The following NEB variants were observed in gnomAD, a reference collection of about 807,000 sequenced individuals.
The protein encoded by NEB is nemaline myopathy type 2.
NEB carries 512 observed loss-of-function variants against 952.2 expected under a neutral mutation model. The observed-to-expected ratio is 0.54, with a 90% confidence interval of 0.50 to 0.58. NEB has a LOEUF of 0.58. Ranked by LOEUF, NEB falls within the 20% of genes least tolerant of loss-of-function variation. The probability of loss-of-function intolerance (pLI) is 0.00; values close to 1 mark genes in which losing one functional copy is unlikely to be tolerated. For missense variants in NEB, 8,428 were observed against 9,231.1 expected, an observed-to-expected ratio of 0.91 and a Z score of 3.56; for synonymous variants, 2,900 against 3,149.8, an observed-to-expected ratio of 0.92 and a Z score of 2.66.
chr2:151,520,961 A>C (rs2081556275), intron 153 of NEB, among the ~76,000 whole-genome samples: 1 of 152,246 alleles, frequency 6.6e-6, no homozygotes, highest in Non-Finnish European at 1.5e-5. Context: ...GCTTTTGTCA[A>C]CAGTATTGCA....
Position 151,666,210 on chromosome 2 carries a change from T to G in NEB, c.4911A>C (p.Ala1637=), listed in dbSNP as rs2099215404. The G allele has an allele frequency of 1.2e-6, 2 of 1,613,856 alleles. No individual in the cohort carries two copies. Among genetic ancestry groups the G allele is most frequent in the South Asian group, 2.2e-5 (2 of 91,090 alleles). The change falls in exon 41 of 182, where the codon GCA becomes GCC. Residue 1637 remains alanine (A), a synonymous_variant. Coordinates refer to ENST00000397345, the MANE Select transcript of NEB (RefSeq NM_001164508.2). ...TGGTGGCAACCTCCTGAGATTTCTT[T>G]GCAGCTGTCACACTGACCATATCCA... ...TPLDMVSVTA[A]KKSQEVATNA...
intron 130 of NEB, among the ~76,000 whole-genome samples, chr2:151,548,729 C>T (rs1023052510): frequency 6.6e-6 from 1 of 152,106 alleles, no homozygotes; most frequent in African/African-American, 2.4e-5. Flanking sequence ...TTAGAAAATA[C>T]AAAGAAGAAA....
chr2:151,727,632 T>G, intron 5 of NEB, 59 bp downstream of exon 5: 3 of 1,506,106 alleles, frequency 2.0e-6, no homozygotes, highest in Non-Finnish European at 2.7e-6. Context: ...ACAGAGTGAG[T>G]TGAGATAAGT....
At chr2:151,646,378 A>G (rs556886468) in intron 54 of NEB, 144 bp from the exon 55 acceptor site, 1 of 670,360 alleles carries the variant, frequency 1.5e-6, no homozygotes, top group East Asian at 2.8e-5. Context: ...CAGAAAATAG[A>G]TGCAATATTT....
At chr2:151,622,110 C>T (rs1014352775) in intron 71 of NEB, among the ~76,000 whole-genome samples, 4 of 152,214 alleles carry the variant, frequency 2.6e-5, no homozygotes, top group Non-Finnish European at 5.9e-5. Flanking sequence ...AAGCGATTCT[C>T]GTGCCTCAGC....
At chr2:151,614,242 T>A in intron 77 of NEB, 34 bp downstream of exon 77, 1 of 1,598,616 alleles carries the variant, frequency 6.3e-7, no homozygotes, top group Non-Finnish European at 8.6e-7. Flanking sequence ...AATGCTTTTC[T>A]AAACCATTAC....
chr2:151,516,116 T>C (rs2077579764), intron 157 of NEB, among the ~76,000 whole-genome samples: 1 of 152,218 alleles, frequency 6.6e-6, no homozygotes, highest in African/African-American at 2.4e-5. Flanking sequence ...GAGTAGAGCA[T>C]TTCAAAGCCA....
chr2:151,578,036 A>G (rs1295877112), intron 105 of NEB, among the ~76,000 whole-genome samples: 1 of 152,216 alleles, frequency 6.6e-6, no homozygotes, highest in Non-Finnish European at 1.5e-5. Context: ...TCTTAAATAT[A>G]CCACTTGGCA....
chr2:151,486,141 A>G, intron 181 of NEB: 1 of 536,090 alleles, frequency 1.9e-6, no homozygotes, highest in Non-Finnish European at 3.3e-6. Flanking sequence ...TCCAGAACAT[A>G]TGACGAACTC....
chr2:151,506,941 G>A lies in NEB; in HGVS notation c.23524C>T (p.Arg7842Cys), dbSNP rs184516994. 9.7e-5 allele frequency: 156 copies of A among 1,610,100 alleles called. No homozygotes were observed. The African/African-American group carries it at 1.8e-3, about 19-fold the overall frequency. The change falls in exon 163 of 182, where the codon CGT (arginine) becomes TGT (cysteine). Residue 7842 changes from arginine to cysteine, a missense_variant. By Grantham distance (180) the Arg-to-Cys change is radical (BLOSUM62 -3). Coordinates refer to ENST00000397345, the MANE Select transcript of NEB (RefSeq NM_001164508.2). Reference sequence around the variant, plus strand: ...AAATTCTTCTGATTTTCTTTTACACGCAGTATTTCTGGCGTGTCTTGAACA... The same window carrying A: ...AAATTCTTCTGATTTTCTTTTACACACAGTATTTCTGGCGTGTCTTGAACA... ...TVVQDTPEIL[R>C]VKENQKNFSS...
intron 124 of NEB, among the ~76,000 whole-genome samples, chr2:151,557,690 A>C (rs9750717): frequency 6.6e-6 from 1 of 152,160 alleles, no homozygotes; most frequent in South Asian, 2.1e-4. Context: ...CAGCTTCATC[A>C]CTGGGATGCA....
chr2:151,725,498 A>G lies in NEB; in HGVS notation c.357T>C (p.Thr119=). The change falls in exon 6 of 182, where the codon ACT becomes ACC. Residue 119 remains threonine (T), a synonymous_variant. Transcript: ENST00000397345. ...KGQPYASTTD[T]PELRRIKKVQ... is the part of the protein sequence containing the mutation. ...CTTTTTTGATTCTGCGAAGTTCTGG[A>G]GTATCTGTTGTGCTGGCGTATGGCT... 1 of 1,613,638 alleles carries G rather than the reference A, an allele frequency of 6.2e-7. No individual in the cohort carries two copies. Among genetic ancestry groups the G allele is most frequent in the Non-Finnish European group, 8.5e-7 (1 of 1,179,670 alleles).
At position 151,552,481 on chromosome 2, in the gene NEB, G is replaced by C. The variant is rs2153652336; in HGVS notation, c.19836+191C>G. On this transcript the variant is annotated intron_variant, in intron 128 of 181. Coordinates refer to ENST00000397345, the MANE Select transcript of NEB (RefSeq NM_001164508.2). ...TCGCATCACCTACAACTCCGCCCCA[G>C]CAAACTGCTTGAATGCATCAGGTTT... 1.3e-5 allele frequency among the ~76,000 whole-genome samples: 2 copies of C among 152,298 alleles called. 1 individual carries two copies. The highest frequency in any genetic ancestry group is 4.1e-4 in the South Asian group (2 of 4,822).
In NEB at chr2:151,576,281, C is replaced by G. The variant is rs978456403; in HGVS notation, c.16778G>C (p.Arg5593Thr). Residue 5593 changes from arginine (R) to threonine (T), a missense_variant, in exon 106 of 182, where the codon AGA becomes ACA. Transcript: ENST00000397345. The stretch of plus-strand genomic sequence containing the variant: ...AAAGATATTCTGGGCGTTTTTGACT[C>G]TCAACACTTCAGGAGACCCTTGGGG... ...WMPQGSPEVL[R>T]VKNAQNIFCD... 8 of 1,611,010 alleles carry G rather than the reference C, an allele frequency of 5.0e-6. No individual in the cohort carries two copies. The highest frequency in any genetic ancestry group is 2.7e-5 in the African/African-American group (2 of 74,772).
intron 36 of NEB, among the ~76,000 whole-genome samples, chr2:151,674,110 T>C (rs369626112): frequency 6.6e-6 from 1 of 152,214 alleles, no homozygotes; most frequent in African/African-American, 2.4e-5. Context: ...TTATATAACA[T>C]CTTTTCAATC....
At chr2:151,716,047 C>T in intron 10 of NEB, 2 of 331,644 alleles carry the variant, frequency 6.0e-6, no homozygotes, top group Non-Finnish European at 1.2e-5. Context: ...TCTAAATGAC[C>T]ACTTGAAAAC....
chr2:151,675,797 G>C (rs994996217), intron 34 of NEB, among the ~76,000 whole-genome samples: 1 of 151,680 alleles, frequency 6.6e-6, no homozygotes, highest in African/African-American at 2.4e-5. Context: ...TTTCACTTCT[G>C]CTAAAAACTT....
At position 151,644,394 on chromosome 2, in the gene NEB, T is replaced by G. The variant is rs569934070; in HGVS notation, c.7644+74A>C. 3.4e-5 allele frequency: 48 copies of G among 1,408,374 alleles called. No individual in the cohort carries two copies. The African/African-American group carries it at 6.6e-4, about 19-fold the overall frequency. 87.2% of individuals were successfully genotyped at this position (1,408,374 alleles called of 1,614,324 possible). A position where few individuals can be genotyped will look rare whatever the true frequency, so the allele number is the denominator to read the frequency against. The stretch of plus-strand genomic sequence containing the variant: ...TGTTACCCCTTAGATTTTGTTCAAT[T>G]TAAAATTAAATTGAGACTGCTTTGA... On this transcript the variant is annotated intron_variant, in intron 56 of 181. Coordinates refer to ENST00000397345, the MANE Select transcript of NEB (RefSeq NM_001164508.2).
At chr2:151,542,894 C>A (rs552060376) in intron 135 of NEB, among the ~76,000 whole-genome samples, 1 of 152,306 alleles carries the variant, frequency 6.6e-6, no homozygotes, top group South Asian at 2.1e-4. Context: ...ACCCATGTTT[C>A]TATAATAGCT....
Sources: gnomAD v4.1 joint callset for allele counts (sites outside exome capture counted in the v4.1 genomes callset) on GRCh38, gnomAD v4.1.1 for gene constraint, MANE v1.5 for transcripts, NCBI Gene and HGNC (gene_info 2026-07-23, HGNC 2026-07-21) for gene names.